The following ZNF638 variants were observed in gnomAD, a reference collection of about 807,000 sequenced individuals.
The protein encoded by ZNF638 is CTCL tumor antigen se33-1.
ZNF638 carries 46 observed loss-of-function variants against 195.6 expected under a neutral mutation model. The ratio of observed to expected loss-of-function variants is 0.24; its 90% confidence interval spans 0.19 to 0.30. The LOEUF (loss-of-function observed/expected upper bound fraction) is 0.30. Among genes scored for constraint, ZNF638 ranks in the 10% least tolerant of loss-of-function variants. ZNF638 has a pLI of 1.00. For synonymous variants in ZNF638, 845 were observed against 772.0 expected (o/e 1.09, Z -1.57); for missense variants, 2,440 against 2,325.3 (o/e 1.05, Z -1.01).
intron 1 of ZNF638, among the ~76,000 whole-genome samples, chr2:71,337,380 A>G (rs1436878366): frequency 2.0e-5 from 3 of 152,084 alleles, no homozygotes; most frequent in African/African-American, 4.8e-5. Context: ...TCACAGTCAT[A>G]GTTACCAACT....
chr2:71,369,352 G>A (rs1250627592), intron 7 of ZNF638, among the ~76,000 whole-genome samples: 1 of 149,710 alleles, frequency 6.7e-6, no homozygotes, highest in African/African-American at 2.5e-5. Flanking sequence ...AGTTTTGTGA[G>A]TTAAGGCTGG....
chr2:71,395,566 A>G (rs1450271973), intron 10 of ZNF638: 4 of 602,118 alleles, frequency 6.6e-6, no homozygotes, highest in African/African-American at 5.6e-5. Flanking sequence ...CAGACCTTTG[A>G]TCATCCTATT....
intron 10 of ZNF638, chr2:71,395,485 A>T: frequency 1.7e-6 from 1 of 603,128 alleles, no homozygotes; most frequent in South Asian, 2.1e-5. Context: ...TCTTACCCTG[A>T]CGCTAAGGGC....
chr2:71,370,201 G>T (rs1332887975), intron 8 of ZNF638, among the ~76,000 whole-genome samples, 196 bp downstream of exon 8: 1 of 152,052 alleles, frequency 6.6e-6, no homozygotes, highest in Non-Finnish European at 1.5e-5. Context: ...ATTAAATAAC[G>T]ACGACTAGGA....
At chr2:71,380,371 T>A (rs1199919261) in intron 9 of ZNF638, 91 bp downstream of exon 9, 56 of 1,131,664 alleles carry the variant, frequency 4.9e-5, no homozygotes, top group Non-Finnish European at 6.6e-5. Context: ...AAATATATTT[T>A]ATCACTATAA....
intron 10 of ZNF638, among the ~76,000 whole-genome samples, chr2:71,391,819 A>G (rs936004474): frequency 6.6e-6 from 1 of 152,150 alleles, no homozygotes; most frequent in Non-Finnish European, 1.5e-5. Flanking sequence ...CAGGTATTTA[A>G]CCCCCGCAGC....
chr2:71,377,146 A>T (rs961809310), intron 8 of ZNF638, among the ~76,000 whole-genome samples: 3 of 151,954 alleles, frequency 2.0e-5, no homozygotes, highest in African/African-American at 7.3e-5. Context: ...GGTGGCACGC[A>T]CCCAGCTGCT....
Position 71,424,666 on chromosome 2 carries a change from A to T in ZNF638, c.4541A>T (p.Asn1514Ile). The T allele has an allele frequency of 1.2e-6, 2 of 1,613,070 alleles. No homozygotes were observed. Among genetic ancestry groups the T allele is most frequent in the Non-Finnish European group, 1.7e-6 (2 of 1,179,612 alleles). The change falls in exon 23 of 28, where the codon AAC becomes ATC. Residue 1514 changes from asparagine (N) to isoleucine (I), a missense_variant. Transcript: ENST00000264447. ...DSNNKTLAEQ[N>I]TKNPKSTTGR... The stretch of plus-strand genomic sequence containing the variant: ...CTATTTCAGACTTTGGCTGAGCAAA[A>T]CACTAAGAATCCTAAAAGCACTACT...
At chr2:71,391,318 A>G (rs766807116) in intron 10 of ZNF638, among the ~76,000 whole-genome samples, 5 of 152,218 alleles carry the variant, frequency 3.3e-5, no homozygotes, top group Non-Finnish European at 4.4e-5. Flanking sequence ...AGAACAGGGC[A>G]GAGAACAATT....
chr2:71,338,021 G>A (rs1184936264), intron 1 of ZNF638, among the ~76,000 whole-genome samples: 1 of 152,096 alleles, frequency 6.6e-6, no homozygotes, highest in Non-Finnish European at 1.5e-5. Flanking sequence ...GAAAAATCAC[G>A]TAACTAATGC....
intron 1 of ZNF638, among the ~76,000 whole-genome samples, chr2:71,336,739 G>A (rs1038500498): frequency 6.6e-6 from 1 of 152,162 alleles, no homozygotes; most frequent in Non-Finnish European, 1.5e-5. Context: ...TTATTTCACA[G>A]GATGAAATAG....
chr2:71,401,684 A>C (rs2080008230), intron 15 of ZNF638, among the ~76,000 whole-genome samples: 1 of 152,034 alleles, frequency 6.6e-6, no homozygotes, highest in Non-Finnish European at 1.5e-5. Flanking sequence ...AAGACTAAAA[A>C]AAAAAAACAG....
At position 71,424,687 on chromosome 2, in the gene ZNF638, C is replaced by T. The variant is rs2152604089; in HGVS notation, c.4562C>T (p.Thr1521Ile). The part of the protein sequence containing the change: ...AEQNTKNPKS[T>I]TGRSSKSKEE... ...CAAAACACTAAGAATCCTAAAAGCA[C>T]TACTGGTAGAAGTTCCAAATCTAAA... The change falls in exon 23 of 28, where the codon ACT becomes ATT. Residue 1521 changes from threonine to isoleucine, a missense_variant. By Grantham distance (89) the Thr-to-Ile change is moderately conservative. Transcript: ENST00000264447. 6.2e-7 allele frequency: 1 copy of T among 1,613,088 alleles called. No homozygotes were observed. Among genetic ancestry groups the T allele is most frequent in the South Asian group, 1.1e-5 (1 of 90,836 alleles).
chr2:71,431,245 A>G (rs2080652246), intron 25 of ZNF638, 82 bp from the exon 26 acceptor site: 1 of 1,251,306 alleles, frequency 8.0e-7, no homozygotes, highest in African/African-American at 1.5e-5. Context: ...CTGAGAAAGA[A>G]AAAGGTAAGA....
rs182801814 is a variant in ZNF638, at chr2:71,419,692, A to G, written c.3299+1053A>G. 2.2e-4 allele frequency among the ~76,000 whole-genome samples: 33 copies of G among 152,300 alleles called. No individual in the cohort carries two copies. The East Asian group carries it at 6.0e-3, about 28-fold the overall frequency. On this transcript the variant is annotated intron_variant, in intron 21 of 27. Coordinates refer to ENST00000264447, the MANE Select transcript of ZNF638 (RefSeq NM_014497.5). ...TGTGAAAGCTCACAAAGGGCTTAAT[A>G]AATAACAGTGCCTATGTAGTACTAT...
Position 71,428,634 on chromosome 2 carries a change from C to A in ZNF638, c.5633C>A (p.Ala1878Asp). Residue 1878 changes from alanine to aspartate, a missense_variant, in exon 25 of 28, where the codon GCC becomes GAC. By Grantham distance (126) the Ala-to-Asp change is moderately radical. Coordinates refer to ENST00000264447, the MANE Select transcript of ZNF638 (RefSeq NM_014497.5). ...ACAGAACCAGCAAAAGGTGAAGAGG[C>A]CTTCCAGATGAGTGAAGGTAAAGCA... is the stretch of plus-strand genomic sequence containing the variant. ...VVTEPAKGEE[A>D]FQMSEVDEES... 4.3e-6 allele frequency: 7 copies of A among 1,613,602 alleles called. No individual in the cohort carries two copies. Among genetic ancestry groups the A allele is most frequent in the Non-Finnish European group, 5.9e-6 (7 of 1,179,740 alleles).
At chr2:71,421,625 T>C (rs2080435038) in intron 21 of ZNF638, among the ~76,000 whole-genome samples, 1 of 152,172 alleles carries the variant, frequency 6.6e-6, no homozygotes, top group Admixed American at 6.5e-5. Context: ...GAAGGGTACA[T>C]GGCCACCCTC....
At position 71,349,467 on chromosome 2, in the gene ZNF638, A is replaced by G. The variant is rs746576523; in HGVS notation, c.513A>G (p.Pro171=). ...PDEQLTPENM[P]LILRDIRMRK... is the part of the protein sequence containing the mutation. Reference sequence around the variant, plus strand: ...AACAACTAACTCCTGAAAATATGCCATTAATTTTGAGGGATATAAGAATGC... The same window carrying G: ...AACAACTAACTCCTGAAAATATGCCGTTAATTTTGAGGGATATAAGAATGC... The change falls in exon 2 of 28, where the codon CCA becomes CCG. Residue 171 remains proline, a synonymous_variant. Transcript: ENST00000264447. 6.2e-6 allele frequency: 10 copies of G among 1,614,046 alleles called. No homozygotes were observed. Among genetic ancestry groups the G allele is most frequent in the Non-Finnish European group, 8.5e-6 (10 of 1,180,030 alleles).
rs779056211 is a variant in ZNF638 at position 71,365,561 on chromosome 2, A to G, written c.1850A>G (p.Lys617Arg). The stretch of plus-strand genomic sequence containing the variant: ...AAGCCTAAAACTAGCAGTGGAACAA[A>G]ACCATCAGTTAAACCTACAAGCGCT... ...AQKPKTSSGT[K>R]PSVKPTSATK... is the part of the protein sequence containing the mutation. Residue 617 changes from lysine to arginine, a missense_variant, in exon 6 of 28, where the codon AAA (lysine) becomes AGA (arginine). Around this residue, in one of 5 missense-constraint regions of ZNF638, gnomAD observed 1,883 missense variants for 1,739.1 expected, o/e 1.08. Coordinates refer to ENST00000264447, the MANE Select transcript of ZNF638 (RefSeq NM_014497.5). 5 of 1,614,070 alleles carry G rather than the reference A, an allele frequency of 3.1e-6. No individual in the cohort carries two copies. In the East Asian group the frequency reaches 8.9e-5, roughly 29 times the overall value.
Sources: allele counts gnomAD v4.1 joint callset (sites outside exome capture counted in the v4.1 genomes callset), GRCh38; gene constraint gnomAD v4.1.1; regional missense constraint gnomAD v4.1.1; transcripts MANE v1.5; gene names NCBI Gene and HGNC (gene_info 2026-07-23, HGNC 2026-07-21).